Variants in MAGI2 observed in about 807,000 individuals in gnomAD.
MAGI2 encodes the protein membrane-associated guanylate kinase, WW and PDZ domain-containing protein 2.
Under a neutral mutation model 133.3 loss-of-function variants are expected in MAGI2, and 35 were observed. The observed-to-expected ratio is 0.26, with a 90% CI of 0.20 to 0.35. MAGI2 has a LOEUF of 0.35. Among genes scored for constraint, MAGI2 ranks in the 10% least tolerant of loss-of-function variants. MAGI2 has a pLI of 1.00. For synonymous variants in MAGI2, 729 were observed against 710.6 expected (o/e 1.03, Z -0.41); for missense variants, 1,636 against 1,863.4 (o/e 0.88, Z 2.25).
chr7:79,240,993 T>C (rs911299625), intron 1 of MAGI2, among the ~76,000 whole-genome samples: 13 of 151,934 alleles, frequency 8.6e-5, no homozygotes, highest in Non-Finnish European at 1.6e-4. Flanking sequence ...TAAACTAATA[T>C]ATAATATACA....
chr7:79,308,477 G>A (rs1190210310), intron 1 of MAGI2, among the ~76,000 whole-genome samples: 1 of 152,076 alleles, frequency 6.6e-6, no homozygotes, highest in Non-Finnish European at 1.5e-5. Context: ...CCACATCAGT[G>A]GCCCAAATAC....
chr7:78,951,466 G>T (rs1165782168), intron 2 of MAGI2, among the ~76,000 whole-genome samples: 1 of 152,082 alleles, frequency 6.6e-6, no homozygotes, highest in Non-Finnish European at 1.5e-5. Context: ...TGGCAGAAAG[G>T]AGAAGTGCCA....
intron 6 of MAGI2, among the ~76,000 whole-genome samples, chr7:78,455,542 CA>C (rs1433821714): frequency 3.3e-5 from 5 of 152,064 alleles, no homozygotes; most frequent in Admixed American, 1.3e-4. Flanking sequence ...TATTTAACCC[CA>C]ATTTCTCTCA....
At chr7:78,371,841 A>T (rs1278524396) in intron 6 of MAGI2, among the ~76,000 whole-genome samples, 1 of 152,078 alleles carries the variant, frequency 6.6e-6, no homozygotes, top group Non-Finnish European at 1.5e-5. Flanking sequence ...TATATGTCAT[A>T]CACATTTGTG....
At chr7:78,467,755 A>G (rs773076718) in intron 6 of MAGI2, among the ~76,000 whole-genome samples, 1 of 152,156 alleles carries the variant, frequency 6.6e-6, no homozygotes, top group African/African-American at 2.4e-5. Context: ...GTTGTTTACT[A>G]TAATAACATT....
chr7:78,490,849 A>G (rs1395551091), intron 5 of MAGI2, among the ~76,000 whole-genome samples: 1 of 152,076 alleles, frequency 6.6e-6, no homozygotes, highest in Non-Finnish European at 1.5e-5. Flanking sequence ...TGTGACATTT[A>G]TGAGGGGTTT....
chr7:78,378,322 A>C (rs1042298752), intron 6 of MAGI2, among the ~76,000 whole-genome samples: 3 of 152,012 alleles, frequency 2.0e-5, no homozygotes, highest in Non-Finnish European at 4.4e-5. Context: ...AAGAAAATAG[A>C]ATAGAACTAA....
chr7:78,664,257 A>G (rs1399774115), intron 2 of MAGI2, among the ~76,000 whole-genome samples: 1 of 152,198 alleles, frequency 6.6e-6, no homozygotes, highest in East Asian at 1.9e-4. Context: ...TCCTTTCACC[A>G]GTAGTTATCC....
At chr7:78,885,419 C>T (rs775629531) in intron 2 of MAGI2, among the ~76,000 whole-genome samples, 7 of 152,156 alleles carry the variant, frequency 4.6e-5, no homozygotes, top group African/African-American at 1.7e-4. Flanking sequence ...TGATGCTCCA[C>T]GATGATCCTT....
rs762645357 is a variant in MAGI2 at position 78,019,332 on chromosome 7, A to C, written c.4351T>G (p.Ser1451Ala). 2 of 1,545,324 alleles carry C rather than the reference A, an allele frequency of 1.3e-6. No homozygotes were observed. The highest frequency in any genetic ancestry group is 1.2e-5 in the South Asian group (1 of 84,156). The change falls in exon 22 of 22, where the codon TCG becomes GCG. Residue 1451 changes from serine (S) to alanine (A), a missense_variant. Coordinates refer to ENST00000354212, the MANE Select transcript of MAGI2 (RefSeq NM_012301.4). The stretch of plus-strand genomic sequence containing the variant: ...CGCGCGGCTCATCTGCTGGCGGCCG[A>C]GGCGCCGGGTTTGAGGACGCTGGGC... The part of the protein sequence containing the change: ...KLPSVLKPGA[S>A]AASR
At chr7:78,313,922 A>T (rs766091454) in intron 9 of MAGI2, among the ~76,000 whole-genome samples, 22 of 152,146 alleles carry the variant, frequency 1.4e-4, no homozygotes, top group Non-Finnish European at 2.6e-4. Flanking sequence ...AGTTAAAGTT[A>T]TGGGTGCCCT....
chr7:78,905,664 C>G (rs1797945350), intron 2 of MAGI2, among the ~76,000 whole-genome samples: 1 of 152,084 alleles, frequency 6.6e-6, no homozygotes, highest in African/African-American at 2.4e-5. Context: ...GCTGTCTTTG[C>G]TGATAGATGG....
chr7:79,189,571 T>G (rs369402903), intron 1 of MAGI2, among the ~76,000 whole-genome samples: 3 of 151,826 alleles, frequency 2.0e-5, no homozygotes, highest in East Asian at 3.9e-4. Flanking sequence ...GCTTCCCTAT[T>G]AACAACTTGC....
chr7:79,385,453 G>T, intron 1 of MAGI2, among the ~76,000 whole-genome samples: 1 of 151,984 alleles, frequency 6.6e-6, no homozygotes, highest in African/African-American at 2.4e-5. Context: ...TATAAAAATA[G>T]TGATGGTAGG....
chr7:78,784,906 A>C (rs905987965), intron 2 of MAGI2, among the ~76,000 whole-genome samples: 1 of 152,216 alleles, frequency 6.6e-6, no homozygotes, highest in African/African-American at 2.4e-5. Context: ...TAATCTTTCC[A>C]TCTCTACACC....
chr7:79,319,202 AT>A (rs1220186884), intron 1 of MAGI2, among the ~76,000 whole-genome samples: 1 of 152,078 alleles, frequency 6.6e-6, no homozygotes, highest in Non-Finnish European at 1.5e-5. Flanking sequence ...GTTTGCCACC[AT>A]TTTTCCTTCA....
chr7:79,306,017 G>A (rs1405802192), intron 1 of MAGI2, among the ~76,000 whole-genome samples: 2 of 147,544 alleles, frequency 1.4e-5, no homozygotes, highest in Admixed American at 6.8e-5. Flanking sequence ...TTTTGGAGAC[G>A]AGGCAGGGTG....
intron 2 of MAGI2, among the ~76,000 whole-genome samples, chr7:78,787,850 T>C (rs1445886532): frequency 6.6e-6 from 1 of 152,242 alleles, no homozygotes; most frequent in African/African-American, 2.4e-5. Context: ...TATGATTTTG[T>C]TAATTTTTCA....
At chr7:78,037,188 A>G (rs1246560354) in intron 21 of MAGI2, among the ~76,000 whole-genome samples, 2 of 151,936 alleles carry the variant, frequency 1.3e-5, no homozygotes, top group Non-Finnish European at 2.9e-5. Flanking sequence ...GGGTGTACCT[A>G]GCGCAATTGG....
Sources: allele counts gnomAD v4.1 joint callset (sites outside exome capture counted in the v4.1 genomes callset), GRCh38; gene constraint gnomAD v4.1.1; transcripts MANE v1.5; gene names NCBI Gene and HGNC (gene_info 2026-07-23, HGNC 2026-07-21).